CDKAL1: variants seen among roughly 807,000 people sequenced by gnomAD.
CDKAL1 encodes threonylcarbamoyladenosine tRNA methylthiotransferase.
CDKAL1 carries 32 observed loss-of-function variants against 68.2 expected under a neutral mutation model. The observed-to-expected ratio is 0.47, with a 90% CI of 0.35 to 0.63. The LOEUF (loss-of-function observed/expected upper bound fraction) is 0.63, where lower values mean the gene tolerates loss of function less well. Among genes scored for constraint, CDKAL1 ranks in the 30% least tolerant of loss-of-function variants. The pLI is 0.00. For missense variants in CDKAL1, 606 were observed against 696.7 expected (o/e 0.87, Z 1.47); for synonymous variants, 234 against 244.3 (o/e 0.96, Z 0.39).
rs543479381 is a variant in CDKAL1, at chr6:20,554,838, T to C, written c.286+6133T>C. ...ATGCCTGGTGTGAATGAATATTGTA[T>C]GTGTTTTTTGGTTAGTTGGAAAAAA... On this transcript the variant is annotated intron_variant, in intron 4 of 15. Transcript: ENST00000274695. 1.9e-3 allele frequency among the ~76,000 whole-genome samples: 287 copies of C among 152,306 alleles called. 1 individual carries two copies. Among genetic ancestry groups the C allele is most frequent in the African/African-American group, 6.5e-3 (269 of 41,574 alleles).
chr6:21,070,590 G>A (rs1302757547), intron 12 of CDKAL1, among the ~76,000 whole-genome samples: 1 of 151,462 alleles, frequency 6.6e-6, no homozygotes, highest in Non-Finnish European at 1.5e-5. Context: ...TTTTCGCCCT[G>A]TGTCCTCATT....
intron 9 of CDKAL1, among the ~76,000 whole-genome samples, chr6:20,927,266 G>A (rs924279632): frequency 6.6e-6 from 1 of 152,066 alleles, no homozygotes; most frequent in East Asian, 1.9e-4. Context: ...TTGATTGAAG[G>A]CAGGGGACCC....
chr6:20,715,109 A>G (rs142198598), intron 5 of CDKAL1, among the ~76,000 whole-genome samples: 166 of 152,334 alleles, frequency 1.1e-3, no homozygotes, highest in African/African-American at 3.8e-3. Context: ...ATATAATACA[A>G]CATTATTAAC....
intron 4 of CDKAL1, among the ~76,000 whole-genome samples, chr6:20,589,694 TTTATTAGTTTTTCTCATA>T (rs141217599): frequency 0.069 from 10,467 of 152,212 alleles, 523 homozygotes; most frequent in African/African-American, 0.13. Flanking sequence ...TTGTAATTAT[TTTATTAGTTTTTCTCATA>T]TTATTAGTTT....
chr6:21,153,354 A>T (rs548465310), intron 13 of CDKAL1, among the ~76,000 whole-genome samples: 1 of 150,802 alleles, frequency 6.6e-6, no homozygotes, highest in South Asian at 2.1e-4. Flanking sequence ...ACCTAATGCC[A>T]TTTGAATTTA....
intron 11 of CDKAL1, among the ~76,000 whole-genome samples, chr6:21,003,180 A>C (rs1057390987): frequency 1.3e-5 from 2 of 150,660 alleles, no homozygotes; most frequent in Non-Finnish European, 3.0e-5. Context: ...CTGGTGAGTA[A>C]TTTCCAACTA....
At chr6:21,087,340 G>GT (rs149945496) in intron 12 of CDKAL1, among the ~76,000 whole-genome samples, 12,911 of 151,980 alleles carry the variant, frequency 0.085, 622 homozygotes, top group African/African-American at 0.11. Context: ...TCAAGTCTTT[G>GT]TTTTTTTTGG....
In CDKAL1 at chr6:20,750,932, C is replaced by G. The variant is rs923481177; in HGVS notation, c.469-7663C>G. On this transcript the variant is annotated intron_variant, in intron 6 of 15. Coordinates refer to ENST00000274695, the MANE Select transcript of CDKAL1 (RefSeq NM_017774.3). ...TGAGCCGAGATTACACCACTGCACTCCAGGCTGAGCAACAGAGTGAAAAAA... is the reference window on the plus strand; with the variant it reads ...TGAGCCGAGATTACACCACTGCACTGCAGGCTGAGCAACAGAGTGAAAAAA... Among the ~76,000 whole-genome samples the G allele has an allele frequency of 3.4e-5, 4 of 116,094 alleles. 1 individual carries two copies. Among genetic ancestry groups the G allele is most frequent in the Non-Finnish European group, 4.9e-5 (3 of 61,310 alleles). The allele number at this position is 116,094 out of a possible 152,430, so 76.2% of individuals were successfully genotyped here.
At chr6:20,556,546 G>C (rs1764050294) in intron 4 of CDKAL1, among the ~76,000 whole-genome samples, 1 of 152,036 alleles carries the variant, frequency 6.6e-6, no homozygotes, top group South Asian at 2.1e-4. Context: ...TTAGTATAGG[G>C]CTGTTAACTT....
At position 21,125,500 on chromosome 6, in the gene CDKAL1, C is replaced by T. The variant is rs146669897; in HGVS notation, c.1299+17037C>T. Among the ~76,000 whole-genome samples the T allele has an allele frequency of 3.7e-3, 570 of 152,194 alleles. 6 individuals are homozygous for T. Among genetic ancestry groups the T allele is most frequent in the African/African-American group, 0.013 (545 of 41,504 alleles). Reference sequence around the variant, plus strand: ...CCAGCCTGACCAACATGGAGAAACCCCGTCTCTACTAAAAATACAAAATTA... The same window carrying T: ...CCAGCCTGACCAACATGGAGAAACCTCGTCTCTACTAAAAATACAAAATTA... On this transcript the variant is annotated intron_variant, in intron 13 of 15. Transcript: ENST00000274695.
At chr6:20,825,639 T>A (rs375550854) in intron 8 of CDKAL1, among the ~76,000 whole-genome samples, 3 of 152,302 alleles carry the variant, frequency 2.0e-5, no homozygotes, top group African/African-American at 7.2e-5. Flanking sequence ...TATGGTTTGA[T>A]TCTTCCTGAT....
chr6:20,551,892 G>A (rs1242640677), intron 4 of CDKAL1, among the ~76,000 whole-genome samples: 2 of 151,884 alleles, frequency 1.3e-5, no homozygotes, highest in Non-Finnish European at 2.9e-5. Context: ...TTTATTTATT[G>A]ATTTATATTT....
At chr6:20,835,887 A>G (rs529143605) in intron 8 of CDKAL1, among the ~76,000 whole-genome samples, 1 of 152,058 alleles carries the variant, frequency 6.6e-6, no homozygotes, top group African/African-American at 2.4e-5. Context: ...ATATCTGAAA[A>G]ATGGAGCTTC....
intron 5 of CDKAL1, among the ~76,000 whole-genome samples, chr6:20,735,341 G>A (rs1170251826): frequency 6.6e-6 from 1 of 152,160 alleles, no homozygotes; most frequent in Non-Finnish European, 1.5e-5. Context: ...CTGCATGGCT[G>A]GGAAAGCCTC....
At chr6:21,220,309 A>G (rs2151123930) in intron 15 of CDKAL1, among the ~76,000 whole-genome samples, 1 of 152,326 alleles carries the variant, frequency 6.6e-6, no homozygotes, top group Admixed American at 6.5e-5. Flanking sequence ...AATAATTTCC[A>G]AATTTCCAAA....
intron 9 of CDKAL1, among the ~76,000 whole-genome samples, chr6:20,899,905 T>C (rs1761881143): frequency 6.6e-6 from 1 of 152,194 alleles, no homozygotes; most frequent in Non-Finnish European, 1.5e-5. Context: ...TTATCCTCAT[T>C]TTACTGATGA....
At chr6:20,748,546 C>CTTTTTTTTTTTTTTTT (rs1773760226) in intron 6 of CDKAL1, among the ~76,000 whole-genome samples, 2 of 97,344 alleles carry the variant, frequency 2.1e-5, no homozygotes, top group African/African-American at 7.9e-5. Flanking sequence ...GAGCAAGACT[C>CTTTTTTTTTTTTTTTT]TGTTTCTGGA....
intron 15 of CDKAL1, among the ~76,000 whole-genome samples, chr6:21,206,411 G>C (rs1038553311): frequency 6.6e-6 from 1 of 152,048 alleles, no homozygotes; most frequent in Non-Finnish European, 1.5e-5. Flanking sequence ...TTTAATAAAG[G>C]CTAACTAGTT....
At chr6:20,945,850 T>C (rs1330468158) in intron 9 of CDKAL1, among the ~76,000 whole-genome samples, 1 of 152,242 alleles carries the variant, frequency 6.6e-6, no homozygotes, top group Non-Finnish European at 1.5e-5. Context: ...TTTGTATATT[T>C]TGGTCAATTA....
Sources: gnomAD v4.1 joint callset for allele counts (sites outside exome capture counted in the v4.1 genomes callset) on GRCh38, gnomAD v4.1.1 for gene constraint, MANE v1.5 for transcripts, NCBI Gene and HGNC (gene_info 2026-07-23, HGNC 2026-07-21) for gene names.